SF3A1: variants seen among roughly 807,000 people sequenced by gnomAD.
The protein encoded by SF3A1 is splicing factor 3a subunit 1.
SF3A1 carries 13 observed loss-of-function variants against 89.9 expected under a neutral mutation model. That is an observed-to-expected ratio of 0.14 (90% CI 0.09 to 0.23). The LOEUF (loss-of-function observed/expected upper bound fraction) is 0.23. SF3A1 is among the 10% of genes least tolerant of loss of function. The pLI is 1.00. For missense variants in SF3A1, 604 were observed against 1,022.1 expected, an observed-to-expected ratio of 0.59 and a Z score of 5.58; for synonymous variants, 405 against 374.4, an observed-to-expected ratio of 1.08 and a Z score of -0.94.
chr22:30,340,380 G>C lies in SF3A1; in HGVS notation c.1191C>G (p.Ala397=), dbSNP rs1173074410. 1 of 1,611,374 alleles carries C rather than the reference G, an allele frequency of 6.2e-7. No homozygotes were observed. The highest frequency in any genetic ancestry group is 8.5e-7 in the Non-Finnish European group (1 of 1,179,370). ...VIVRKDYDPK[A]SKPLPPAPAP... is the part of the protein sequence containing the mutation. ...CAGGGGCTGGAGGCAAGGGCTTGGA[G>C]GCTAAAAGGAAACAGATGTTTCAGT... is the stretch of plus-strand genomic sequence containing the variant. Residue 397 remains alanine, a splice_region_variant and synonymous_variant, in exon 9 of 16, where the codon GCC becomes GCG. Coordinates refer to ENST00000215793, the MANE Select transcript of SF3A1 (RefSeq NM_005877.6).
chr22:30,351,337 T>C (rs933433921), intron 2 of SF3A1, among the ~76,000 whole-genome samples: 8 of 151,958 alleles, frequency 5.3e-5, no homozygotes, highest in African/African-American at 1.9e-4. Context: ...CAAAGTAATC[T>C]TTATGTCTAA....
At chr22:30,336,288 G>A (rs1212851909) in intron 13 of SF3A1, among the ~76,000 whole-genome samples, 6 of 152,180 alleles carry the variant, frequency 3.9e-5, no homozygotes, top group Non-Finnish European at 8.8e-5. Flanking sequence ...GGAGGCCAGC[G>A]TGGTGGATCA....
Position 30,337,036 on chromosome 22 carries a change from C to A in SF3A1, c.2096G>T (p.Arg699Leu). 2 of 1,614,140 alleles carry A rather than the reference C, an allele frequency of 1.2e-6. No homozygotes were observed. The highest frequency in any genetic ancestry group is 1.7e-6 in the Non-Finnish European group (2 of 1,180,008). The change falls in exon 13 of 16, where the codon CGC (arginine) becomes CTC (leucine). Residue 699 changes from arginine to leucine, a missense_variant. This residue lies in a region of SF3A1 where 74 missense variants were observed against 141.3 expected (regional missense o/e 0.52). Coordinates refer to ENST00000215793, the MANE Select transcript of SF3A1 (RefSeq NM_005877.6). ...DSLMPEEEFL[R>L]RNKGPVSIKV... ...TCTGGGATTACATACCTTGTTTCTG[C>A]GCAGGAACTCCTCCTCTGGCATGAG...
Position 30,356,782 on chromosome 22 carries a change from C to G in SF3A1, c.11G>C (p.Gly4Ala). 1 of 1,430,890 alleles carries G rather than the reference C, an allele frequency of 7.0e-7. No individual in the cohort carries two copies. The highest frequency in any genetic ancestry group is 9.2e-7 in the Non-Finnish European group (1 of 1,083,326). 88.6% of individuals were successfully genotyped at this position (1,430,890 alleles called of 1,614,324 possible). The change falls in exon 1 of 16, where the codon GGA (glycine) becomes GCA (alanine). Residue 4 changes from glycine (G) to alanine (A), a missense_variant. This residue lies in a region of SF3A1 where 55 missense variants were observed against 43.8 expected (regional missense o/e 1.25). Coordinates refer to ENST00000215793, the MANE Select transcript of SF3A1 (RefSeq NM_005877.6). ...CGGCGGGGGCACCGCCTGCACGGGT[C>G]CGGCCGGCATGACTGCGACGCTCAG... MPAGPVQAVPPPPP... is the reference protein window; with the variant it reads MPAAPVQAVPPPPP...
chr22:30,342,007 T>C (rs1931274540), intron 6 of SF3A1, 122 bp from the exon 7 acceptor site: 1 of 1,197,726 alleles, frequency 8.3e-7, no homozygotes, highest in African/African-American at 1.5e-5. Context: ...GAGGCCCATC[T>C]AGGGTCTGGC....
At chr22:30,340,128 T>C (rs1234010673) in intron 9 of SF3A1, 68 bp downstream of exon 9, 2 of 1,342,694 alleles carry the variant, frequency 1.5e-6, no homozygotes, top group Admixed American at 3.4e-5. Flanking sequence ...TTGCTTTCTA[T>C]GTTTGCTTAG....
At chr22:30,355,887 A>C (rs1469689631) in intron 1 of SF3A1, among the ~76,000 whole-genome samples, 1 of 135,170 alleles carries the variant, frequency 7.4e-6, no homozygotes, top group Non-Finnish European at 1.5e-5. Flanking sequence ...TATTTGCTGG[A>C]TGAATAAAGG....
intron 4 of SF3A1, among the ~76,000 whole-genome samples, chr22:30,343,972 C>T (rs2145811515): frequency 6.6e-6 from 1 of 152,318 alleles, no homozygotes; most frequent in South Asian, 2.1e-4. Context: ...GACCATCCCA[C>T]TGTAAAGGGA....
intron 2 of SF3A1, among the ~76,000 whole-genome samples, chr22:30,349,892 AC>A (rs932498780): frequency 6.6e-6 from 1 of 151,246 alleles, no homozygotes; most frequent in African/African-American, 2.4e-5. Flanking sequence ...CGATCCTCCC[AC>A]CCTGGCCTCC....
In SF3A1 at chr22:30,341,863, C is replaced by T. The variant is rs749805207; in HGVS notation, c.900G>A (p.Thr300=). ...NEQGNFPPPT[T]PEELGARILI... is the part of the protein sequence containing the mutation. Reference sequence around the variant, plus strand: ...GGATTCGGGCCCCCAGCTCCTCTGGCGTGGTGGGGGGAGGGAAGTTCCCTA... The same window carrying T: ...GGATTCGGGCCCCCAGCTCCTCTGGTGTGGTGGGGGGAGGGAAGTTCCCTA... The change falls in exon 7 of 16, where the codon ACG becomes ACA. Residue 300 remains threonine, a synonymous_variant. Transcript: ENST00000215793. 16 of 1,613,076 alleles carry T rather than the reference C, an allele frequency of 9.9e-6. No individual in the cohort carries two copies. The highest frequency in any genetic ancestry group is 2.2e-5 in the East Asian group (1 of 44,888).
chr22:30,343,448 A>G (rs939612144), intron 4 of SF3A1, among the ~76,000 whole-genome samples: 1 of 152,210 alleles, frequency 6.6e-6, no homozygotes, highest in Non-Finnish European at 1.5e-5. Flanking sequence ...ATGTCTGACA[A>G]TGTATACTTA....
intron 2 of SF3A1, among the ~76,000 whole-genome samples, chr22:30,348,992 A>G (rs530083953): frequency 6.6e-6 from 1 of 152,326 alleles, no homozygotes; most frequent in South Asian, 2.1e-4. Flanking sequence ...CATACTCTCC[A>G]CCAGAAGGAA....
intron 12 of SF3A1, 136 bp downstream of exon 12, chr22:30,337,554 G>A (rs1352108793): frequency 2.8e-6 from 2 of 707,438 alleles, no homozygotes; most frequent in Non-Finnish European, 5.2e-6. Context: ...ATCTTTCAAT[G>A]GGAAGCCAGG....
In SF3A1 at chr22:30,340,373, G is replaced by T. The variant is rs1452558886; in HGVS notation, c.1198C>A (p.Pro400Thr). Residue 400 changes from proline to threonine, a missense_variant, in exon 9 of 16, where the codon CCC becomes ACC. Coordinates refer to ENST00000215793, the MANE Select transcript of SF3A1 (RefSeq NM_005877.6). ...RKDYDPKASKPLPPAPAPDEY... is the reference protein window; with the variant it reads ...RKDYDPKASKTLPPAPAPDEY... The stretch of plus-strand genomic sequence containing the variant: ...TCTGGAGCAGGGGCTGGAGGCAAGG[G>T]CTTGGAGGCTAAAAGGAAACAGATG... 4 of 1,611,756 alleles carry T rather than the reference G, an allele frequency of 2.5e-6. No individual in the cohort carries two copies. Among genetic ancestry groups the T allele is most frequent in the Non-Finnish European group, 3.4e-6 (4 of 1,179,474 alleles).
chr22:30,341,870 G>T lies in SF3A1; in HGVS notation c.893C>A (p.Pro298His). ...QPNEQGNFPP[P>H]TTPEELGARI... Reference sequence around the variant, plus strand: ...GGCCCCCAGCTCCTCTGGCGTGGTGGGGGGAGGGAAGTTCCCTAGAGGGTG... The same window carrying T: ...GGCCCCCAGCTCCTCTGGCGTGGTGTGGGGAGGGAAGTTCCCTAGAGGGTG... The change falls in exon 7 of 16, where the codon CCC becomes CAC. Residue 298 changes from proline to histidine, a missense_variant. Pro to His is a moderately conservative substitution (Grantham distance 77, BLOSUM62 -2). Transcript: ENST00000215793. 2 of 1,612,910 alleles carry T rather than the reference G, an allele frequency of 1.2e-6. No individual in the cohort carries two copies. The highest frequency in any genetic ancestry group is 1.7e-6 in the Non-Finnish European group (2 of 1,179,954).
At chr22:30,351,261 T>C (rs944261064) in intron 2 of SF3A1, among the ~76,000 whole-genome samples, 1 of 151,008 alleles carries the variant, frequency 6.6e-6, no homozygotes, top group African/African-American at 2.4e-5. Context: ...ACTGCACCAC[T>C]GCACTCCAGC....
At chr22:30,348,241 A>G (rs1445985488) in intron 2 of SF3A1, among the ~76,000 whole-genome samples, 1 of 152,210 alleles carries the variant, frequency 6.6e-6, no homozygotes, top group Admixed American at 6.5e-5. Flanking sequence ...TCTGGCGAGA[A>G]CCTTGTACTT....
rs1430496674 is a variant in SF3A1, at chr22:30,353,061, T to C, written c.75A>G (p.Glu25=). The part of the protein sequence containing the change: ...VPTEPKQPTE[E]EASSKEDSAP... ...CAGAATCCTCCTTTGAAGATGCTTC[T>C]TCTTCTGTGGGCTGTGCAAACAGGA... Residue 25 remains glutamate, a synonymous_variant, in exon 2 of 16, where the codon GAA becomes GAG. Transcript: ENST00000215793. 4.3e-6 allele frequency: 7 copies of C among 1,614,150 alleles called. No individual in the cohort carries two copies. The highest frequency in any genetic ancestry group is 5.9e-6 in the Non-Finnish European group (7 of 1,179,986).
chr22:30,340,901 C>A (rs1931231320), intron 7 of SF3A1, 89 bp from the exon 8 acceptor site: 2 of 795,610 alleles, frequency 2.5e-6, no homozygotes, highest in Admixed American at 2.5e-5. Flanking sequence ...TGGCAAGGAG[C>A]CTTGGCCTCT....
Sources: allele counts gnomAD v4.1 joint callset (sites outside exome capture counted in the v4.1 genomes callset), GRCh38; gene constraint gnomAD v4.1.1; regional missense constraint gnomAD v4.1.1; transcripts MANE v1.5; gene names NCBI Gene and HGNC (gene_info 2026-07-23, HGNC 2026-07-21).